EYS: variants seen among roughly 807,000 people sequenced by gnomAD.
The protein encoded by EYS is EGF-like photoreceptor maintenance factor, also known as protein eyes shut homolog.
EYS carries 250 observed loss-of-function variants against 282.1 expected under a neutral mutation model. That is an observed-to-expected ratio of 0.89 (90% CI 0.80 to 0.98). The LOEUF is 0.98. Ranked by LOEUF, EYS falls within the 50% of genes least tolerant of loss-of-function variation. The pLI is 0.00. For synonymous variants in EYS, 1,355 were observed against 1,282.9 expected, an observed-to-expected ratio of 1.06 and a Z score of -1.20; for missense variants, 4,016 against 3,709.0, an observed-to-expected ratio of 1.08 and a Z score of -2.15.
intron 28 of EYS, among the ~76,000 whole-genome samples, chr6:64,408,826 C>T (rs554639019): frequency 1.3e-5 from 2 of 152,250 alleles, no homozygotes; most frequent in South Asian, 4.1e-4. Context: ...TGAGGGCATA[C>T]ATGTGCACGC....
chr6:64,991,316 A>C (rs564223233), intron 14 of EYS, among the ~76,000 whole-genome samples: 2 of 151,682 alleles, frequency 1.3e-5, no homozygotes, highest in South Asian at 4.1e-4. Context: ...TGACCAAAAA[A>C]CTTTATTTTG....
At chr6:64,509,817 A>G (rs1777327051) in intron 26 of EYS, among the ~76,000 whole-genome samples, 1 of 152,184 alleles carries the variant, frequency 6.6e-6, no homozygotes, top group South Asian at 2.1e-4. Context: ...GAAAAGAAAA[A>G]TATAATTGCA....
intron 26 of EYS, among the ~76,000 whole-genome samples, chr6:64,444,025 A>T (rs1775039055): frequency 6.6e-6 from 1 of 152,208 alleles, no homozygotes; most frequent in African/African-American, 2.4e-5. Flanking sequence ...AAGCTTTAGC[A>T]GAAACATGCC....
At chr6:65,320,434 G>A (rs1374185922) in intron 11 of EYS, among the ~76,000 whole-genome samples, 2 of 152,146 alleles carry the variant, frequency 1.3e-5, no homozygotes, top group African/African-American at 4.8e-5. Flanking sequence ...GGAAGGAGAT[G>A]ATGAGTATCA....
At chr6:65,233,368 T>A (rs1766839559) in intron 12 of EYS, among the ~76,000 whole-genome samples, 1 of 152,162 alleles carries the variant, frequency 6.6e-6, no homozygotes, top group Admixed American at 6.6e-5. Flanking sequence ...TTTGTTTGCA[T>A]AGTGATTTGA....
chr6:64,593,630 A>G (rs1766479517), intron 24 of EYS, among the ~76,000 whole-genome samples: 1 of 152,168 alleles, frequency 6.6e-6, no homozygotes, highest in Admixed American at 6.6e-5. Flanking sequence ...ATTAATGTGG[A>G]TATAAAAAAG....
At chr6:64,075,262 G>A (rs902098686) in intron 32 of EYS, among the ~76,000 whole-genome samples, 3 of 151,968 alleles carry the variant, frequency 2.0e-5, no homozygotes, top group African/African-American at 7.2e-5. Context: ...AATAACCAGT[G>A]TTAGGGTAAG....
intron 6 of EYS, among the ~76,000 whole-genome samples, chr6:65,404,675 C>T (rs1290291585): frequency 6.6e-6 from 1 of 151,706 alleles, no homozygotes; most frequent in Non-Finnish European, 1.5e-5. Context: ...AAAAGTTCAG[C>T]AATTTTTTTG....
rs186219706 is a variant in EYS, at chr6:64,496,996, T to C, written c.5645-57644A>G. ...AGTGAATTATTTTATTATCCTAATA[T>C]TGTGATTTTATCATTCTTCTTCACT... is the stretch of plus-strand genomic sequence containing the variant. On this transcript the variant is annotated intron_variant, in intron 26 of 42. Transcript: ENST00000503581. Among the ~76,000 whole-genome samples the C allele has an allele frequency of 2.3e-3, 356 of 152,230 alleles. 1 individual carries two copies. Among genetic ancestry groups the C allele is most frequent in the Non-Finnish European group, 3.8e-3 (261 of 67,990 alleles).
intron 2 of EYS, among the ~76,000 whole-genome samples, chr6:65,602,750 A>C (rs1194531628): frequency 1.3e-5 from 2 of 152,008 alleles, no homozygotes; most frequent in African/African-American, 4.8e-5. Context: ...TAAATATCTG[A>C]ATGAAAGAGT....
chr6:64,605,637 C>T (rs917053224), intron 24 of EYS, among the ~76,000 whole-genome samples: 2 of 151,760 alleles, frequency 1.3e-5, no homozygotes, highest in African/African-American at 4.8e-5. Flanking sequence ...CCTGAGACCA[C>T]TGTTTATGAC....
intron 26 of EYS, among the ~76,000 whole-genome samples, chr6:64,467,468 T>G (rs1347385272): frequency 2.0e-5 from 3 of 152,168 alleles, no homozygotes; most frequent in Non-Finnish European, 4.4e-5. Flanking sequence ...TACTAGGAAG[T>G]ATGCAATATT....
chr6:64,998,447 A>G (rs1181654247), intron 13 of EYS, among the ~76,000 whole-genome samples: 1 of 152,196 alleles, frequency 6.6e-6, no homozygotes, highest in Non-Finnish European at 1.5e-5. Context: ...CTCTCATTAA[A>G]TGCTTAGGTC....
intron 1 of EYS, among the ~76,000 whole-genome samples, 198 bp downstream of exon 1, chr6:65,706,937 G>T (rs952612261): frequency 6.6e-6 from 1 of 152,086 alleles, no homozygotes; most frequent in Non-Finnish European, 1.5e-5. Context: ...TGTTGTTTTT[G>T]ATTCAAACAG....
chr6:65,377,534 C>T (rs1355278664), intron 8 of EYS, among the ~76,000 whole-genome samples: 1 of 151,788 alleles, frequency 6.6e-6, no homozygotes, highest in African/African-American at 2.4e-5. Context: ...CAGAGCAGAA[C>T]CGAAGGAGAT....
chr6:65,501,661 A>G (rs1313173469), intron 2 of EYS, among the ~76,000 whole-genome samples: 3 of 151,790 alleles, frequency 2.0e-5, no homozygotes, highest in Admixed American at 6.6e-5. Context: ...TAAATTTTGT[A>G]TTAACATTTC....
intron 26 of EYS, among the ~76,000 whole-genome samples, chr6:64,445,713 T>C (rs1178776605): frequency 2.6e-5 from 4 of 152,312 alleles, no homozygotes; most frequent in Admixed American, 6.5e-5. Context: ...TCCAATGTGA[T>C]GGCTAGTCAC....
chr6:64,233,145 C>A (rs754002688), intron 30 of EYS, among the ~76,000 whole-genome samples: 4 of 152,116 alleles, frequency 2.6e-5, no homozygotes, highest in Non-Finnish European at 5.9e-5. Flanking sequence ...CTATGTCTCA[C>A]CTGAAAAAAA....
intron 39 of EYS, among the ~76,000 whole-genome samples, chr6:63,781,923 C>T (rs2149666691): frequency 6.6e-6 from 1 of 152,236 alleles, no homozygotes; most frequent in South Asian, 2.1e-4. Flanking sequence ...AGATACATCC[C>T]ATCAATACCT....
Sources: gnomAD v4.1 joint callset for allele counts (sites outside exome capture counted in the v4.1 genomes callset) on GRCh38, gnomAD v4.1.1 for gene constraint, MANE v1.5 for transcripts, NCBI Gene and HGNC (gene_info 2026-07-23, HGNC 2026-07-21) for gene names.